The following FHIP1A variants were observed in gnomAD, a reference collection of about 807,000 sequenced individuals.
The protein encoded by FHIP1A is FHF complex subunit HOOK-interacting protein 1A.
Under a neutral mutation model 88.6 loss-of-function variants are expected in FHIP1A, and 61 were observed. The ratio of observed to expected loss-of-function variants is 0.69; its 90% CI spans 0.56 to 0.85. FHIP1A has a LOEUF of 0.85. Ranked by LOEUF, FHIP1A falls within the 40% of genes least tolerant of loss-of-function variation. The pLI, the probability that FHIP1A is intolerant of heterozygous loss-of-function variation, is 0.00. For missense variants in FHIP1A, 1,154 were observed against 1,273.5 expected, an observed-to-expected ratio of 0.91 and a Z score of 1.43; for synonymous variants, 478 against 496.0, an observed-to-expected ratio of 0.96 and a Z score of 0.48.
chr4:151,668,579 C>A lies in FHIP1A; in HGVS notation c.*5825C>A, dbSNP rs1048867606. On this transcript the variant is annotated 3_prime_UTR_variant, in exon 14 of 14. Transcript: ENST00000435205. ...AACAGAAGTTCACTGTGATGTGTGA[C>A]CCTGGACAGAGATCAAACAGCTCCT... 6.6e-6 allele frequency among the ~76,000 whole-genome samples: 1 copy of A among 152,194 alleles called. No homozygotes were observed. The highest frequency in any genetic ancestry group is 1.5e-5 in the Non-Finnish European group (1 of 68,038).
At chr4:151,604,370 A>G (rs375060314) in intron 7 of FHIP1A, among the ~76,000 whole-genome samples, 15 of 152,054 alleles carry the variant, frequency 9.9e-5, no homozygotes, top group Admixed American at 2.6e-4. Flanking sequence ...GTGGTTCCCA[A>G]ACAGTGCACC....
chr4:151,647,218 A>G (rs1240862059), intron 10 of FHIP1A, among the ~76,000 whole-genome samples: 1 of 152,188 alleles, frequency 6.6e-6, no homozygotes, highest in African/African-American at 2.4e-5. Flanking sequence ...TGATTGACCT[A>G]ATGAGGAAGG....
chr4:151,537,872 GAA>G (rs1284721881), intron 3 of FHIP1A, among the ~76,000 whole-genome samples: 1 of 152,120 alleles, frequency 6.6e-6, no homozygotes, highest in Non-Finnish European at 1.5e-5. Flanking sequence ...GAGCTTTTCT[GAA>G]ATGTTGCAAT....
chr4:151,499,949 G>A lies in FHIP1A; in HGVS notation c.-123+17301G>A, dbSNP rs79025987. On this transcript the variant is annotated intron_variant, in intron 3 of 13. Transcript: ENST00000435205. The stretch of plus-strand genomic sequence containing the variant: ...AAGATAAGATTTGGGTGGTGACACA[G>A]CCAAACCATATGAGTCCCCCTCCAT... Among the ~76,000 whole-genome samples the A allele has an allele frequency of 5.4e-3, 815 of 152,262 alleles. 7 individuals carry two copies. The highest frequency in any genetic ancestry group is 0.019 in the African/African-American group (793 of 41,548).
chr4:151,582,637 A>G (rs542842543), intron 5 of FHIP1A, among the ~76,000 whole-genome samples: 23 of 152,158 alleles, frequency 1.5e-4, no homozygotes, highest in Non-Finnish European at 3.2e-4. Context: ...GTGGTTTTAC[A>G]TGGTGATTAG....
intron 3 of FHIP1A, among the ~76,000 whole-genome samples, chr4:151,562,253 C>T (rs755279175): frequency 7.9e-5 from 12 of 152,040 alleles, no homozygotes; most frequent in Non-Finnish European, 1.3e-4. Context: ...CACAAACCAA[C>T]CAGAGTAATA....
chr4:151,413,107 G>T (rs181956063), intron 1 of FHIP1A, among the ~76,000 whole-genome samples: 2 of 152,288 alleles, frequency 1.3e-5, no homozygotes, highest in Admixed American at 6.5e-5. Flanking sequence ...AGTCTGTATA[G>T]CCTTGGCATC....
At chr4:151,486,163 C>A (rs2126640462) in intron 3 of FHIP1A, among the ~76,000 whole-genome samples, 1 of 152,282 alleles carries the variant, frequency 6.6e-6, no homozygotes, top group South Asian at 2.1e-4. Context: ...GGAAGTAAAG[C>A]TCACCCACTG....
At position 151,666,452 on chromosome 4, in the gene FHIP1A, T is replaced by C. The variant is rs1737669614; in HGVS notation, c.*3698T>C. 6.6e-6 allele frequency among the ~76,000 whole-genome samples: 1 copy of C among 152,190 alleles called. No individual in the cohort carries two copies. Among genetic ancestry groups the C allele is most frequent in the African/African-American group, 2.4e-5 (1 of 41,444 alleles). ...TTTATAGGTCATCAGGAGTACCCTT[T>C]CCTTAGCAGGTGGATTTTATTTAGG... On this transcript the variant is annotated 3_prime_UTR_variant, in exon 14 of 14. Transcript: ENST00000435205.
At chr4:151,613,229 C>T (rs1037953108) in intron 7 of FHIP1A, among the ~76,000 whole-genome samples, 2 of 152,224 alleles carry the variant, frequency 1.3e-5, no homozygotes, top group African/African-American at 4.8e-5. Context: ...CCTGGGAAAC[C>T]CGCTAGTGCT....
chr4:151,441,481 A>G (rs1219704560), intron 1 of FHIP1A, among the ~76,000 whole-genome samples: 1 of 152,198 alleles, frequency 6.6e-6, no homozygotes, highest in African/African-American at 2.4e-5. Flanking sequence ...GTACATACAT[A>G]TTATATATTT....
intron 4 of FHIP1A, among the ~76,000 whole-genome samples, chr4:151,570,406 C>G (rs1053777654): frequency 3.3e-5 from 5 of 152,144 alleles, no homozygotes; most frequent in Non-Finnish European, 7.3e-5. Flanking sequence ...AAGCATTAAC[C>G]TGAGTATTCT....
intron 2 of FHIP1A, among the ~76,000 whole-genome samples, chr4:151,477,491 A>G (rs536671340): frequency 2.0e-5 from 3 of 152,302 alleles, no homozygotes; most frequent in South Asian, 2.1e-4. Flanking sequence ...CTGAGAAGCC[A>G]TAAAAGAAGA....
chr4:151,544,579 C>T (rs1473270385), intron 3 of FHIP1A, among the ~76,000 whole-genome samples: 1 of 152,058 alleles, frequency 6.6e-6, no homozygotes, highest in Non-Finnish European at 1.5e-5. Flanking sequence ...TATGGCCTGT[C>T]CCTCACAGAC....
chr4:151,531,987 G>A (rs1731893137), intron 3 of FHIP1A, among the ~76,000 whole-genome samples: 1 of 152,214 alleles, frequency 6.6e-6, no homozygotes, highest in African/African-American at 2.4e-5. Context: ...AAAAAGGTAA[G>A]TTTTGCTCAG....
chr4:151,588,369 G>T (rs1734297325), intron 6 of FHIP1A, among the ~76,000 whole-genome samples: 1 of 152,032 alleles, frequency 6.6e-6, no homozygotes, highest in African/African-American at 2.4e-5. Context: ...AATGTTTTCT[G>T]CTAGCAAAAT....
intron 1 of FHIP1A, among the ~76,000 whole-genome samples, chr4:151,452,023 G>A (rs950363640): frequency 6.6e-6 from 1 of 151,934 alleles, no homozygotes. Flanking sequence ...GTCTCCTTAC[G>A]CTGCCTAGGT....
At chr4:151,470,351 G>A (rs1201695619) in intron 2 of FHIP1A, among the ~76,000 whole-genome samples, 1 of 152,164 alleles carries the variant, frequency 6.6e-6, no homozygotes, top group Non-Finnish European at 1.5e-5. Flanking sequence ...GTTGAGGCTT[G>A]GGGCCAGAAC....
intron 13 of FHIP1A, 121 bp from the exon 14 acceptor site, chr4:151,662,380 A>G (rs1401299468): frequency 3.8e-5 from 40 of 1,057,276 alleles, no homozygotes; most frequent in Admixed American, 1.6e-4. Context: ...AGTCCGTTAT[A>G]GGAACTGCAC....
Sources: gnomAD v4.1 joint callset for allele counts (sites outside exome capture counted in the v4.1 genomes callset) on GRCh38, gnomAD v4.1.1 for gene constraint, MANE v1.5 for transcripts, NCBI Gene and HGNC (gene_info 2026-07-23, HGNC 2026-07-21) for gene names.